Variants in ZNF362 observed in about 807,000 individuals in gnomAD.
The protein encoded by ZNF362 is zinc finger protein 362.
A neutral mutation model predicts 42.9 loss-of-function variants in ZNF362; 11 were observed. The observed-to-expected ratio is 0.26, with a 90% CI of 0.16 to 0.42. ZNF362 has a LOEUF of 0.42. Ranked by LOEUF, ZNF362 falls within the 20% of genes least tolerant of loss-of-function variation. The pLI, the probability that ZNF362 is intolerant of heterozygous loss-of-function variation, is 1.00. For missense variants in ZNF362, 362 were observed against 576.2 expected, an observed-to-expected ratio of 0.63 and a Z score of 3.81; for synonymous variants, 255 against 257.3, an observed-to-expected ratio of 0.99 and a Z score of 0.09.
chr1:33,231,504 A>G, the ZNF362 span, among the ~76,000 whole-genome samples: 3 of 152,236 alleles, frequency 2.0e-5, no homozygotes, highest in Admixed American at 1.3e-4. Flanking sequence ...TCCAAAAGAT[A>G]CCTGTGGAAT....
the ZNF362 span, among the ~76,000 whole-genome samples, chr1:33,174,920 C>T: frequency 0.017 from 2,226 of 131,070 alleles, 60 homozygotes; most frequent in African/African-American, 0.062. Context: ...TATATATATA[C>T]ACACACACAC....
the ZNF362 span, among the ~76,000 whole-genome samples, chr1:33,245,299 G>A: frequency 6.6e-6 from 1 of 152,150 alleles, no homozygotes; most frequent in Non-Finnish European, 1.5e-5. Flanking sequence ...TTCTCAGAAA[G>A]GATTGGAGTT....
the ZNF362 span, among the ~76,000 whole-genome samples, chr1:33,157,720 A>G: frequency 6.6e-6 from 1 of 151,074 alleles, no homozygotes; most frequent in African/African-American, 2.4e-5. Context: ...CATCTGGAGA[A>G]TGGGTTTGCT....
At chr1:33,262,716 A>G (rs1645837539) in intron 1 of ZNF362, among the ~76,000 whole-genome samples, 1 of 152,134 alleles carries the variant, frequency 6.6e-6, no homozygotes, top group Admixed American at 6.5e-5. Context: ...ACTCAAATAC[A>G]TTCATACATA....
the ZNF362 span, among the ~76,000 whole-genome samples, chr1:33,180,749 C>A: frequency 6.6e-6 from 1 of 152,256 alleles, no homozygotes; most frequent in Non-Finnish European, 1.5e-5. Context: ...GCATCCCCGA[C>A]TTCTCCCTAA....
the ZNF362 span, among the ~76,000 whole-genome samples, chr1:33,154,856 G>A: frequency 2.2e-3 from 327 of 151,504 alleles, 3 homozygotes; most frequent in African/African-American, 7.6e-3. Context: ...CACTTTGGGA[G>A]GCCAAGACGG....
At chr1:33,275,644 A>T (rs2148093796) in intron 2 of ZNF362, among the ~76,000 whole-genome samples, 1 of 152,294 alleles carries the variant, frequency 6.6e-6, no homozygotes, top group South Asian at 2.1e-4. Context: ...TCCGTACTCA[A>T]GGGGTCAGGG....
the ZNF362 span, among the ~76,000 whole-genome samples, chr1:33,223,134 C>T: frequency 5.3e-5 from 8 of 152,034 alleles, no homozygotes; most frequent in African/African-American, 1.7e-4. Context: ...GCCTGTAGTC[C>T]CAGCTACTCA....
chr1:33,232,702 T>C, the ZNF362 span, among the ~76,000 whole-genome samples: 2 of 152,178 alleles, frequency 1.3e-5, no homozygotes, highest in African/African-American at 4.8e-5. Flanking sequence ...AGCCACCGAA[T>C]TTCCAAACCC....
At chr1:33,278,036 C>T (rs1295129809) in intron 4 of ZNF362, among the ~76,000 whole-genome samples, 4 of 152,140 alleles carry the variant, frequency 2.6e-5, no homozygotes, top group Non-Finnish European at 5.9e-5. Flanking sequence ...TCTCCAGGCC[C>T]CAGCCGCACT....
At chr1:33,258,620 A>G (rs1645809595) in intron 1 of ZNF362, among the ~76,000 whole-genome samples, 1 of 152,134 alleles carries the variant, frequency 6.6e-6, no homozygotes, top group Non-Finnish European at 1.5e-5. Context: ...TCAGGCTTCC[A>G]CTGCTGGGCT....
rs746342203 is a variant in ZNF362 at position 33,280,424 on chromosome 1, C to T, written c.650C>T (p.Ser217Leu). The T allele has an allele frequency of 3.1e-6, 5 of 1,609,206 alleles. No individual in the cohort carries two copies. Among genetic ancestry groups the T allele is most frequent in the Non-Finnish European group, 4.2e-6 (5 of 1,177,548 alleles). The change falls in exon 5 of 9, where the codon TCG becomes TTG. Residue 217 changes from serine to leucine, a missense_variant. This residue lies in a region of ZNF362 where 266 missense variants were observed against 365.4 expected (regional missense o/e 0.73). Coordinates refer to ENST00000539719, the MANE Select transcript of ZNF362 (RefSeq NM_152493.3). This position sits in a 1 kb window ranked among gnomAD's most constrained non-coding sequence, Gnocchi z 5.6. ...VLVVPYPILA[S>L]GETAKEGKTY... is the part of the protein sequence containing the mutation. ...GTAGTCCCCTATCCCATCCTGGCCT[C>T]GGGCGAGACTGCCAAGGAGGGCAAG...
chr1:33,162,448 G>A, the ZNF362 span, among the ~76,000 whole-genome samples: 3 of 152,292 alleles, frequency 2.0e-5, no homozygotes, highest in Middle Eastern at 3.4e-3. Context: ...TTAATACATT[G>A]TCCCACATTT....
the ZNF362 span, among the ~76,000 whole-genome samples, chr1:33,190,858 A>G: frequency 6.6e-6 from 1 of 152,168 alleles, no homozygotes; most frequent in African/African-American, 2.4e-5. Flanking sequence ...GCTTCTTCCT[A>G]TTGACTTCCT....
At chr1:33,217,495 C>A in the ZNF362 span, among the ~76,000 whole-genome samples, 1 of 152,160 alleles carries the variant, frequency 6.6e-6, no homozygotes, top group African/African-American at 2.4e-5. Flanking sequence ...ATCTCTGCAC[C>A]CCACCTTAAT....
At chr1:33,296,190 G>A (rs1446471030) in intron 8 of ZNF362, among the ~76,000 whole-genome samples, 1 of 152,210 alleles carries the variant, frequency 6.6e-6, no homozygotes, top group African/African-American at 2.4e-5. Context: ...ATTTGGGCCG[G>A]ACCTTTCCAC....
the ZNF362 span, among the ~76,000 whole-genome samples, chr1:33,139,224 C>T: frequency 1.3e-5 from 2 of 152,154 alleles, no homozygotes; most frequent in African/African-American, 2.4e-5. Flanking sequence ...CAGTGAGGGT[C>T]GCTCTGGGGG....
intron 2 of ZNF362, chr1:33,275,041 G>T: frequency 1.0e-6 from 1 of 985,378 alleles, no homozygotes. Flanking sequence ...GAGGTTGAAA[G>T]CACTTCATTT....
At chr1:33,132,345 C>T in the ZNF362 span, among the ~76,000 whole-genome samples, 9 of 152,246 alleles carry the variant, frequency 5.9e-5, no homozygotes, top group African/African-American at 1.9e-4. Flanking sequence ...GCAACTACTT[C>T]ATTCTGCCCT....
Sources: gnomAD v4.1 joint callset for allele counts (sites outside exome capture counted in the v4.1 genomes callset) on GRCh38, gnomAD v4.1.1 for gene constraint, gnomAD v4.1.1 regional missense constraint, Gnocchi (gnomAD v3.1) non-coding constraint, MANE v1.5 for transcripts, NCBI Gene and HGNC (gene_info 2026-07-23, HGNC 2026-07-21) for gene names.